The following ZCCHC7 variants were observed in gnomAD, a reference collection of about 807,000 sequenced individuals.
ZCCHC7 encodes the protein zinc finger CCHC domain-containing protein 7.
Under a neutral mutation model 52.0 loss-of-function variants are expected in ZCCHC7, and 35 were observed. The observed-to-expected ratio is 0.67, with a 90% CI of 0.51 to 0.89. The LOEUF (loss-of-function observed/expected upper bound fraction) is 0.89. Among genes scored for constraint, ZCCHC7 ranks in the 40% least tolerant of loss-of-function variants. ZCCHC7 has a pLI of 0.00. For synonymous variants in ZCCHC7, 217 were observed against 221.5 expected (o/e 0.98, Z 0.18); for missense variants, 574 against 649.1 (o/e 0.88, Z 1.26).
intron 6 of ZCCHC7, among the ~76,000 whole-genome samples, chr9:37,336,596 A>G (rs556940915): frequency 6.6e-6 from 1 of 152,276 alleles, no homozygotes; most frequent in African/African-American, 2.4e-5. Context: ...TAATAAACGT[A>G]ATAGAGCTAT....
At chr9:37,344,353 A>G (rs1007634340) in intron 6 of ZCCHC7, among the ~76,000 whole-genome samples, 4 of 152,172 alleles carry the variant, frequency 2.6e-5, no homozygotes, top group Non-Finnish European at 4.4e-5. Flanking sequence ...TGGGCATCCC[A>G]TGCCACTTAA....
chr9:37,230,623 C>A (rs184137081), intron 2 of ZCCHC7, among the ~76,000 whole-genome samples: 130 of 152,054 alleles, frequency 8.5e-4, no homozygotes, highest in African/African-American at 3.1e-3. Flanking sequence ...GAATTTTCTA[C>A]TCAATATTTT....
chr9:37,267,796 C>A (rs903130316), intron 2 of ZCCHC7, among the ~76,000 whole-genome samples: 2 of 152,030 alleles, frequency 1.3e-5, no homozygotes, highest in Non-Finnish European at 2.9e-5. Flanking sequence ...GTCTCGATCT[C>A]CTGACCTTGT....
intron 2 of ZCCHC7, among the ~76,000 whole-genome samples, chr9:37,233,952 C>T (rs1825525043): frequency 6.6e-6 from 1 of 152,142 alleles, no homozygotes; most frequent in South Asian, 2.1e-4. Flanking sequence ...CTCATGGGAT[C>T]AAGCGATTCT....
chr9:37,246,387 A>G (rs577100255), intron 2 of ZCCHC7, among the ~76,000 whole-genome samples: 20 of 152,222 alleles, frequency 1.3e-4, no homozygotes, highest in Non-Finnish European at 1.9e-4. Context: ...GGAGTCCACA[A>G]GGGTCTTCAG....
chr9:37,231,375 C>A (rs1365326518), intron 2 of ZCCHC7, among the ~76,000 whole-genome samples: 1 of 152,088 alleles, frequency 6.6e-6, no homozygotes, highest in Non-Finnish European at 1.5e-5. Flanking sequence ...AACTTCATGG[C>A]TTTTTAAATA....
intron 2 of ZCCHC7, among the ~76,000 whole-genome samples, chr9:37,164,022 ATACTC>A (rs1200107186): frequency 2.6e-5 from 4 of 151,786 alleles, no homozygotes; most frequent in South Asian, 2.1e-4. Context: ...TGCCTATACT[ATACTC>A]TGTTGATTCT....
At chr9:37,198,467 A>G (rs1165700164) in intron 2 of ZCCHC7, among the ~76,000 whole-genome samples, 1 of 152,158 alleles carries the variant, frequency 6.6e-6, no homozygotes, top group East Asian at 1.9e-4. Context: ...TTGTCACAGA[A>G]CAACTTGCTG....
chr9:37,313,495 A>G (rs1224503569), intron 5 of ZCCHC7, among the ~76,000 whole-genome samples: 1 of 152,234 alleles, frequency 6.6e-6, no homozygotes, highest in Non-Finnish European at 1.5e-5. Flanking sequence ...TTGCAAATGT[A>G]TGTGACCTTA....
chr9:37,252,583 CAT>C (rs1826381875), intron 2 of ZCCHC7, among the ~76,000 whole-genome samples: 1 of 152,170 alleles, frequency 6.6e-6, no homozygotes, highest in Non-Finnish European at 1.5e-5. Flanking sequence ...GAGGAAAACA[CAT>C]AGAGATTTCT....
chr9:37,225,084 A>G (rs148158652), intron 2 of ZCCHC7, among the ~76,000 whole-genome samples: 2 of 152,356 alleles, frequency 1.3e-5, no homozygotes, highest in South Asian at 2.1e-4. Flanking sequence ...GAATAATTCT[A>G]TAAACATTCA....
chr9:37,249,476 T>TTTTA (rs1826220078), intron 2 of ZCCHC7, among the ~76,000 whole-genome samples: 1 of 147,696 alleles, frequency 6.8e-6, no homozygotes, highest in African/African-American at 2.5e-5. Context: ...TTTTTTTTTT[T>TTTTA]ATTTGTTGTT....
At chr9:37,316,496 T>C (rs1293023026) in intron 5 of ZCCHC7, among the ~76,000 whole-genome samples, 1 of 151,116 alleles carries the variant, frequency 6.6e-6, no homozygotes, top group Non-Finnish European at 1.5e-5. Context: ...AGCTGCTTTT[T>C]CTATTTTTAG....
intron 2 of ZCCHC7, among the ~76,000 whole-genome samples, chr9:37,249,456 C>CTTT (rs60166399): frequency 0.017 from 1,867 of 111,148 alleles, 77 homozygotes; most frequent in African/African-American, 0.041. Flanking sequence ...CTTCTTCTTC[C>CTTT]TTTTTTTTTT....
chr9:37,324,810 G>A (rs1277151419), intron 5 of ZCCHC7, among the ~76,000 whole-genome samples: 2 of 152,192 alleles, frequency 1.3e-5, no homozygotes, highest in African/African-American at 2.4e-5. Flanking sequence ...AGGAAAGGCC[G>A]CTTAGTGCTG....
intron 2 of ZCCHC7, among the ~76,000 whole-genome samples, chr9:37,226,713 G>C (rs1266851479): frequency 1.3e-5 from 2 of 152,128 alleles, no homozygotes; most frequent in Non-Finnish European, 2.9e-5. Flanking sequence ...TTAAATGTAA[G>C]AATTATATGA....
At chr9:37,154,716 A>C (rs1820717197) in intron 2 of ZCCHC7, among the ~76,000 whole-genome samples, 2 of 151,540 alleles carry the variant, frequency 1.3e-5, no homozygotes, top group African/African-American at 4.9e-5. Flanking sequence ...GCTTGTCTTG[A>C]ACTCCTAGGC....
chr9:37,273,582 C>T (rs1827538621), intron 2 of ZCCHC7, among the ~76,000 whole-genome samples: 1 of 152,222 alleles, frequency 6.6e-6, no homozygotes, highest in Admixed American at 6.5e-5. Flanking sequence ...TAGATCTCCT[C>T]AGCAAGGGTA....
intron 6 of ZCCHC7, among the ~76,000 whole-genome samples, chr9:37,341,559 A>G (rs1312102212): frequency 3.3e-5 from 5 of 152,162 alleles, no homozygotes; most frequent in African/African-American, 9.6e-5. Context: ...GTGGATAGGT[A>G]GTAAACTATA....
Sources: gnomAD v4.1 joint callset for allele counts (sites outside exome capture counted in the v4.1 genomes callset) on GRCh38, gnomAD v4.1.1 for gene constraint, MANE v1.5 for transcripts, NCBI Gene and HGNC (gene_info 2026-07-23, HGNC 2026-07-21) for gene names.